The following CNGA2 variants were observed in gnomAD, a reference collection of about 807,000 sequenced individuals.
CNGA2 encodes the protein cyclic nucleotide gated channel subunit alpha 2, also known as cyclic nucleotide-gated channel alpha-2.
In CNGA2, 22 loss-of-function variants were observed where a neutral mutation model predicts 35.9. That is an observed-to-expected ratio of 0.61 (90% CI 0.44 to 0.88). The LOEUF (loss-of-function observed/expected upper bound fraction) is 0.88, where lower values mean the gene tolerates loss of function less well. CNGA2 is among the 40% of genes least tolerant of loss of function. CNGA2 has a pLI of 0.00. For synonymous variants in CNGA2, 217 were observed against 209.2 expected (o/e 1.04, Z -0.32); for missense variants, 555 against 530.8 (o/e 1.05, Z -0.45).
chrX:151,736,515 C>A (rs912693807), intron 1 of CNGA2, among the ~76,000 whole-genome samples: 7 of 111,795 alleles, frequency 6.3e-5, no homozygotes, highest in Admixed American at 3.8e-4. Context: ...AGAGGGCAGG[C>A]CCCTTTCAGA....
rs371324596 is a variant in CNGA2, at chrX:151,744,343, C to T, written c.1840C>T (p.Arg614Cys). 30 of 1,208,901 alleles carry T rather than the reference C, an allele frequency of 2.5e-5. No individual in the cohort carries two copies. In the East Asian group the frequency reaches 5.0e-4, roughly 20 times the overall value. Reference protein sequence around the residue: ...LETNMETLYTRFGRLLAEYTG... With the variant: ...LETNMETLYTCFGRLLAEYTG... ...GACCAACATGGAAACCTTGTACACT[C>T]GCTTTGGCCGCCTGCTGGCTGAGTA... is the stretch of plus-strand genomic sequence containing the variant. Residue 614 changes from arginine to cysteine, a missense_variant, in exon 7 of 7, where the codon CGC (arginine) becomes TGC (cysteine). Physicochemically the swap from Arg to Cys is radical, Grantham distance 180 (BLOSUM62 -3). Coordinates refer to ENST00000329903, the MANE Select transcript of CNGA2 (RefSeq NM_005140.3).
chrX:151,736,595 G>A (rs1603006647), intron 1 of CNGA2, among the ~76,000 whole-genome samples: 1 of 110,953 alleles, frequency 9.0e-6, no homozygotes, highest in East Asian at 2.9e-4. Context: ...GAGGTTTCCT[G>A]GAGAGGGTGT....
At chrX:151,742,998 A>ATGTGTGTGTGTG (rs1556285233) in intron 6 of CNGA2, 95 bp from the exon 7 acceptor site, 6 of 30,430 alleles carry the variant, frequency 2.0e-4, no homozygotes, top group Non-Finnish European at 3.9e-4. Context: ...ATATGTGTAT[A>ATGTGTGTGTGTG]TATATATACA....
intron 1 of CNGA2, 110 bp from the exon 2 acceptor site, chrX:151,738,348 G>T: frequency 5.8e-6 from 3 of 518,590 alleles, no homozygotes; most frequent in East Asian, 3.4e-5. Context: ...GGGTGCTGAG[G>T]TTGGCCAGGT....
chrX:151,743,440 A>T lies in CNGA2; in HGVS notation c.937A>T (p.Thr313Ser). 8.3e-7 allele frequency: 1 copy of T among 1,210,090 alleles called. No individual in the cohort carries two copies. The change falls in exon 7 of 7, where the codon ACT (threonine) becomes TCT (serine). Residue 313 changes from threonine (T) to serine (S), a missense_variant. Coordinates refer to ENST00000329903, the MANE Select transcript of CNGA2 (RefSeq NM_005140.3). ...CGACACCTGGGTTTACCCAAACATC[A>T]CTGACCCTGAGTATGGCTACCTGGC... ...GVDTWVYPNI[T>S]DPEYGYLARE...
chrX:151,742,667 T>C (rs1318895767), intron 6 of CNGA2, 25 bp downstream of exon 6: 2 of 1,149,558 alleles, frequency 1.7e-6, no homozygotes, highest in African/African-American at 3.6e-5. Flanking sequence ...GGGATGCAGG[T>C]AAATCCGAAG....
At position 151,743,952 on chromosome X, in the gene CNGA2, CA is replaced by C; in HGVS notation, c.1452del (p.Asp486ThrfsTer22). ...TCAGTCCTGGGGATTACATTTGCCG[CA>C]AAGGGGACATCGGCAAGGAGATGTA... ...VFSPGDYICRKGDIGKEMYII... is the reference protein window; with the variant it reads ...VFSPGDYICRXGDIGKEMYII... On this transcript the variant is annotated frameshift_variant, in exon 7 of 7. Transcript: ENST00000329903. LOFTEE classifies it high-confidence loss of function. 1 of 1,211,058 alleles carries C rather than the reference CA, an allele frequency of 8.3e-7. No individual in the cohort carries two copies. Among genetic ancestry groups the C allele is most frequent in the East Asian group, 3.0e-5 (1 of 33,801 alleles).
At chrX:151,742,443 C>T (rs2015313873) in intron 5 of CNGA2, 93 bp from the exon 6 acceptor site, 3 of 614,585 alleles carry the variant, frequency 4.9e-6, no homozygotes, top group Middle Eastern at 5.0e-4. Context: ...TGGTAGCCAT[C>T]CCAAGCCCTG....
Position 151,744,103 on chromosome X carries a change from A to C in CNGA2, c.1600A>C (p.Asn534His). The C allele has an allele frequency of 8.3e-7, 1 of 1,210,852 alleles. No individual in the cohort carries two copies. Among genetic ancestry groups the C allele is most frequent in the Non-Finnish European group, 1.1e-6 (1 of 895,281 alleles). The change falls in exon 7 of 7, where the codon AAT becomes CAT. Residue 534 changes from asparagine (N) to histidine (H), a missense_variant. By Grantham distance (68) the Asn-to-His change is moderately conservative (BLOSUM62 1). Coordinates refer to ENST00000329903, the MANE Select transcript of CNGA2 (RefSeq NM_005140.3). ...ILNIKGSKMG[N>H]RRTANIRSLG... ...TAACATTAAGGGCAGTAAAATGGGC[A>C]ATCGACGCACAGCTAATATCCGCAG... is the stretch of plus-strand genomic sequence containing the variant.
chrX:151,738,450 C>T lies in CNGA2; in HGVS notation c.-26-8C>T. Reference sequence around the variant, plus strand: ...CTGTGACCTTCTTCTTGGCCCTCTTCCTGGCAGATAAGTGCTCTGGTTGTA... The same window carrying T: ...CTGTGACCTTCTTCTTGGCCCTCTTTCTGGCAGATAAGTGCTCTGGTTGTA... On this transcript the variant is annotated splice_region_variant and splice_polypyrimidine_tract_variant and intron_variant, in intron 1 of 6. Coordinates refer to ENST00000329903, the MANE Select transcript of CNGA2 (RefSeq NM_005140.3). 8.8e-7 allele frequency: 1 copy of T among 1,130,630 alleles called. No individual in the cohort carries two copies. Among genetic ancestry groups the T allele is most frequent in the Non-Finnish European group, 1.2e-6 (1 of 824,214 alleles). 93.2% of individuals were successfully genotyped at this position (1,130,630 alleles called of 1,213,427 possible).
chrX:151,736,908 G>A (rs1221104316), intron 1 of CNGA2, among the ~76,000 whole-genome samples: 1 of 111,749 alleles, frequency 8.9e-6, no homozygotes, highest in Non-Finnish European at 1.9e-5. Context: ...GGTGCGAATG[G>A]CTCCGGCTTT....
chrX:151,737,079 C>T (rs1008658231), intron 1 of CNGA2, among the ~76,000 whole-genome samples: 1 of 111,807 alleles, frequency 8.9e-6, no homozygotes, highest in Admixed American at 9.5e-5. Flanking sequence ...GGCTGTTTGA[C>T]GTGCCTGCCA....
Position 151,743,125 on chromosome X carries a change from A to T in CNGA2, c.622A>T (p.Thr208Ser). 1 of 1,193,978 alleles carries T rather than the reference A, an allele frequency of 8.4e-7. No individual in the cohort carries two copies. The highest frequency in any genetic ancestry group is 1.8e-5 in the South Asian group (1 of 55,981). The change falls in exon 7 of 7, where the codon ACC becomes TCC. Residue 208 changes from threonine (T) to serine (S), a missense_variant. Coordinates refer to ENST00000329903, the MANE Select transcript of CNGA2 (RefSeq NM_005140.3). ...GGAGCAGGGGCTGCTGGTCAAAGAT[A>T]CCAAGAAACTGCGAGACAACTACAT... is the stretch of plus-strand genomic sequence containing the variant. ...FLEQGLLVKD[T>S]KKLRDNYIHT...
At position 151,743,532 on chromosome X, in the gene CNGA2, C is replaced by G; in HGVS notation, c.1029C>G (p.Pro343=). The change falls in exon 7 of 7, where the codon CCC becomes CCG. Residue 343 remains proline, a synonymous_variant. Coordinates refer to ENST00000329903, the MANE Select transcript of CNGA2 (RefSeq NM_005140.3). Reference sequence around the variant, plus strand: ...TCACTACCATTGGGGAGACACCACCCCCTGTAAAGGATGAGGAGTACCTAT... The same window carrying G: ...TCACTACCATTGGGGAGACACCACCGCCTGTAAAGGATGAGGAGTACCTAT... The part of the protein sequence containing the change: ...LTLTTIGETP[P]PVKDEEYLFV... 1 of 1,211,222 alleles carries G rather than the reference C, an allele frequency of 8.3e-7. No individual in the cohort carries two copies. Among genetic ancestry groups the G allele is most frequent in the Non-Finnish European group, 1.1e-6 (1 of 895,352 alleles).
chrX:151,740,698 C>T lies in CNGA2; in HGVS notation c.375-96C>T, dbSNP rs2015295932. ...ACCCCACATATACCCTTCGGCAGTGCTTTTGCTTTCTCAGGCACTTCTGGT... is the reference window on the plus strand; with the variant it reads ...ACCCCACATATACCCTTCGGCAGTGTTTTTGCTTTCTCAGGCACTTCTGGT... On this transcript the variant is annotated intron_variant, in intron 4 of 6. Coordinates refer to ENST00000329903, the MANE Select transcript of CNGA2 (RefSeq NM_005140.3). The T allele has an allele frequency of 5.9e-6, 4 of 676,740 alleles. No individual in the cohort carries two copies. In the African/African-American group the frequency reaches 8.5e-5, roughly 14 times the overall value. The allele number at this position is 676,740 out of a possible 1,213,427, so 55.8% of individuals were successfully genotyped here.
At chrX:151,739,374 G>A (rs1206036470) in intron 3 of CNGA2, among the ~76,000 whole-genome samples, 188 bp from the exon 4 acceptor site, 1 of 112,385 alleles carries the variant, frequency 8.9e-6, no homozygotes, top group African/African-American at 3.2e-5. Flanking sequence ...TCATGCCTGA[G>A]CCCCAGCCCC....
intron 2 of CNGA2, 63 bp downstream of exon 2, chrX:151,738,656 T>TGTCA (rs1184607573): frequency 8.2e-6 from 9 of 1,102,860 alleles, no homozygotes; most frequent in Non-Finnish European, 1.1e-5. Context: ...TCTGCCTCAT[T>TGTCA]GTCACAGAGC....
At chrX:151,738,687 A>G in intron 2 of CNGA2, 94 bp downstream of exon 2, 1 of 1,085,887 alleles carries the variant, frequency 9.2e-7, no homozygotes, top group Non-Finnish European at 1.3e-6. Flanking sequence ...TGTCTCCAGG[A>G]CAGCCTCTAA....
Position 151,742,604 on chromosome X carries a change from T to C in CNGA2, c.551T>C (p.Val184Ala). The change falls in exon 6 of 7, where the codon GTG becomes GCG. Residue 184 changes from valine (V) to alanine (A), a missense_variant. By Grantham distance (64) the Val-to-Ala change is moderately conservative. Transcript: ENST00000329903. ...VWLVLDYVSD[V>A]VYIADLFIRL... is the part of the protein sequence containing the mutation. ...CTGGTGCTGGATTATGTCTCAGATG[T>C]GGTCTACATTGCGGACCTCTTCATC... The C allele has an allele frequency of 8.3e-7, 1 of 1,209,138 alleles. No individual in the cohort carries two copies. Among genetic ancestry groups the C allele is most frequent in the Non-Finnish European group, 1.1e-6 (1 of 894,286 alleles).
Sources: allele counts gnomAD v4.1 joint callset (sites outside exome capture counted in the v4.1 genomes callset), GRCh38; gene constraint gnomAD v4.1.1; transcripts MANE v1.5; gene names NCBI Gene and HGNC (gene_info 2026-07-23, HGNC 2026-07-21).